MACROD2: variants seen among roughly 807,000 people sequenced by gnomAD.
MACROD2 encodes the protein ADP-ribose glycohydrolase MACROD2.
Under a neutral mutation model 70.4 loss-of-function variants are expected in MACROD2, and 36 were observed. That is an observed-to-expected ratio of 0.51 (90% CI 0.39 to 0.68). The LOEUF (loss-of-function observed/expected upper bound fraction) is 0.68, where lower values mean the gene tolerates loss of function less well. MACROD2 is among the 30% of genes least tolerant of loss of function. The pLI, the probability that MACROD2 is intolerant of heterozygous loss-of-function variation, is 0.00. For missense variants in MACROD2, 496 were observed against 538.4 expected (o/e 0.92, Z 0.78); for synonymous variants, 172 against 178.8 (o/e 0.96, Z 0.30).
chr20:15,031,804 A>G (rs752151328), intron 5 of MACROD2, among the ~76,000 whole-genome samples: 1 of 152,114 alleles, frequency 6.6e-6, no homozygotes, highest in Non-Finnish European at 1.5e-5. Context: ...GACTCCACCC[A>G]GAAATGGCAG....
intron 7 of MACROD2, among the ~76,000 whole-genome samples, chr20:15,486,943 T>C (rs2146465321): frequency 6.6e-6 from 1 of 152,348 alleles, no homozygotes; most frequent in East Asian, 1.9e-4. Context: ...GGCTGTGGTT[T>C]AACTGATCAA....
At chr20:14,127,435 AAAT>A (rs1055179468) in intron 3 of MACROD2, 2 of 460,742 alleles carry the variant, frequency 4.3e-6, no homozygotes, top group African/African-American at 2.0e-5. Flanking sequence ...CAAAAATGGC[AAAT>A]AATGATGCTG....
chr20:14,726,353 G>A (rs1217961434), intron 5 of MACROD2, among the ~76,000 whole-genome samples: 3 of 152,152 alleles, frequency 2.0e-5, no homozygotes, highest in African/African-American at 7.2e-5. Context: ...GGGATCAAAG[G>A]TTACGCTTGA....
intron 3 of MACROD2, among the ~76,000 whole-genome samples, chr20:14,227,750 C>T (rs1441340698): frequency 2.0e-5 from 3 of 152,176 alleles, no homozygotes; most frequent in East Asian, 1.9e-4. Flanking sequence ...CTGGGCTGAG[C>T]CTTTAAAATT....
intron 3 of MACROD2, among the ~76,000 whole-genome samples, chr20:14,209,635 C>G (rs1463657443): frequency 1.3e-5 from 2 of 152,086 alleles, no homozygotes; most frequent in Non-Finnish European, 2.9e-5. Context: ...TCTTGTGGGT[C>G]ATTTAGGGAC....
chr20:14,435,712 AT>A lies in MACROD2; in HGVS notation c.272-57755del, dbSNP rs66776909. 2.2e-3 allele frequency among the ~76,000 whole-genome samples: 326 copies of A among 148,442 alleles called. 2 individuals carry two copies. Among genetic ancestry groups the A allele is most frequent in the African/African-American group, 6.5e-3 (261 of 40,414 alleles). The stretch of plus-strand genomic sequence containing the variant: ...TACATTTCCTAAAGTTATAGAAGTC[AT>A]TTTTTTTTTTTGACATAGGATCTTG... On this transcript the variant is annotated intron_variant, in intron 3 of 17. Transcript: ENST00000684519.
chr20:15,856,957 A>T (rs1171097439), intron 8 of MACROD2, among the ~76,000 whole-genome samples: 1 of 152,202 alleles, frequency 6.6e-6, no homozygotes, highest in African/African-American at 2.4e-5. Context: ...GCCTTGACAG[A>T]TTGCACACCT....
At chr20:15,408,347 C>T (rs899108361) in intron 6 of MACROD2, among the ~76,000 whole-genome samples, 11 of 152,152 alleles carry the variant, frequency 7.2e-5, no homozygotes, top group Non-Finnish European at 1.2e-4. Context: ...GAGTATTTGA[C>T]AGCATTTATC....
At chr20:15,990,970 C>T (rs747929274) in intron 15 of MACROD2, among the ~76,000 whole-genome samples, 2 of 152,144 alleles carry the variant, frequency 1.3e-5, no homozygotes, top group Non-Finnish European at 1.5e-5. Context: ...CAATGGTCAG[C>T]CATGCTGAAA....
intron 4 of MACROD2, among the ~76,000 whole-genome samples, 195 bp from the exon 5 acceptor site, chr20:14,684,648 A>ACCAC (rs2070977501): frequency 1.5e-5 from 2 of 134,846 alleles, no homozygotes; most frequent in Admixed American, 7.5e-5. Flanking sequence ...ACATAACCTC[A>ACCAC]CCCCCCCCCC....
At chr20:15,136,412 T>A (rs2076148361) in intron 5 of MACROD2, among the ~76,000 whole-genome samples, 1 of 151,938 alleles carries the variant, frequency 6.6e-6, no homozygotes, top group African/African-American at 2.4e-5. Flanking sequence ...ATGCCGCATA[T>A]CTACAACTAT....
intron 3 of MACROD2, among the ~76,000 whole-genome samples, chr20:14,219,060 A>G (rs1465773335): frequency 6.6e-6 from 1 of 152,118 alleles, no homozygotes; most frequent in South Asian, 2.1e-4. Flanking sequence ...TTTGTGCTTC[A>G]TGTGTTTGGA....
chr20:14,949,351 G>A (rs2074457735), intron 5 of MACROD2, among the ~76,000 whole-genome samples: 2 of 152,138 alleles, frequency 1.3e-5, no homozygotes, highest in Admixed American at 6.6e-5. Context: ...TTTAAAATAA[G>A]TGTGTTATTT....
At chr20:15,351,066 G>C (rs1177513759) in intron 6 of MACROD2, among the ~76,000 whole-genome samples, 4 of 126,098 alleles carry the variant, frequency 3.2e-5, no homozygotes, top group Non-Finnish European at 6.4e-5. Flanking sequence ...TAACAGAAAT[G>C]ATTTCTGATG....
chr20:15,838,208 G>A (rs2064134830), intron 8 of MACROD2, among the ~76,000 whole-genome samples: 1 of 151,788 alleles, frequency 6.6e-6, no homozygotes, highest in South Asian at 2.1e-4. Context: ...AGTAACACTT[G>A]GATTTCCTCT....
intron 4 of MACROD2, among the ~76,000 whole-genome samples, chr20:14,604,658 C>A (rs1057192371): frequency 2.6e-5 from 4 of 152,166 alleles, no homozygotes; most frequent in Admixed American, 6.5e-5. Context: ...TTTTATTGCT[C>A]TTTCCTCCAA....
intron 7 of MACROD2, among the ~76,000 whole-genome samples, chr20:15,482,506 C>A (rs111627651): frequency 0.013 from 2,029 of 152,294 alleles, 25 homozygotes; most frequent in Non-Finnish European, 0.021. Flanking sequence ...GATTGTAAAG[C>A]TTAAGAAAAT....
Position 15,582,111 on chromosome 20 carries a change from G to A in MACROD2, c.645+82264G>A, listed in dbSNP as rs908901948. 4.3e-5 allele frequency among the ~76,000 whole-genome samples: 6 copies of A among 137,942 alleles called. No individual in the cohort carries two copies. In the East Asian group the frequency reaches 9.9e-4, roughly 23 times the overall value. 90.5% of individuals were successfully genotyped at this position (137,942 alleles called of 152,430 possible). ...CACTCCAGCCTGGGCGACAGTGCCA[G>A]ACTCGGTCTCAAAAAAAAAAAAAAG... On this transcript the variant is annotated intron_variant, in intron 8 of 17. Coordinates refer to ENST00000684519, the MANE Select transcript of MACROD2 (RefSeq NM_001351661.2).
rs567714149 is a variant in MACROD2, at chr20:15,677,923, A to G, written c.645+178076A>G. Among the ~76,000 whole-genome samples the G allele has an allele frequency of 2.0e-5, 3 of 152,064 alleles. No homozygotes were observed. In the East Asian group the frequency reaches 5.9e-4, roughly 30 times the overall value. ...TCTACTAAAAATACAAAATTAGCCA[A>G]GCATGGTGGTGGGCACCTGTAATCC... On this transcript the variant is annotated intron_variant, in intron 8 of 17. Coordinates refer to ENST00000684519, the MANE Select transcript of MACROD2 (RefSeq NM_001351661.2).
Sources: allele counts gnomAD v4.1 joint callset (sites outside exome capture counted in the v4.1 genomes callset), GRCh38; gene constraint gnomAD v4.1.1; transcripts MANE v1.5; gene names NCBI Gene and HGNC (gene_info 2026-07-23, HGNC 2026-07-21).